Variants in CPM observed in about 807,000 individuals in gnomAD.
CPM encodes carboxypeptidase M.
In CPM, 35 loss-of-function variants were observed where a neutral mutation model predicts 46.4. That is an observed-to-expected ratio of 0.75 (90% CI 0.58 to 1.00). The LOEUF is 1.00. Ranked by LOEUF, CPM falls within the 50% of genes least tolerant of loss-of-function variation. The pLI is 0.00. For missense variants in CPM, 422 were observed against 530.4 expected, an observed-to-expected ratio of 0.80 and a Z score of 2.01; for synonymous variants, 195 against 195.3, an observed-to-expected ratio of 1.00 and a Z score of 0.01.
At chr12:68,933,625 C>T (rs1476544324), upstream of CPM, among the ~76,000 whole-genome samples, 1 of 152,070 alleles carries the variant, frequency 6.6e-6, no homozygotes, top group Non-Finnish European at 1.5e-5. Flanking sequence ...TCCTGAGTGC[C>T]CTGAGCCCCG....
At chr12:68,848,078 A>G (rs1450352669), downstream of CPM, 1 of 152,234 alleles carries the variant, frequency 6.6e-6, no homozygotes, top group African/African-American at 2.4e-5. Flanking sequence ...ACAATGAGCT[A>G]TGATTGCGCC....
chr12:68,856,737 A>C, intron 8 of CPM, 58 bp from the exon 9 acceptor site: 1 of 1,572,762 alleles, frequency 6.4e-7, no homozygotes, highest in East Asian at 2.2e-5. Context: ...TGGTGCCCAC[A>C]CTGAAAACAC....
intron 7 of CPM, among the ~76,000 whole-genome samples, chr12:68,865,878 G>C (rs945430410): frequency 6.6e-6 from 1 of 152,178 alleles, no homozygotes; most frequent in Non-Finnish European, 1.5e-5. Context: ...ATAGCCGCTG[G>C]ACCAGCAGCA....
chr12:68,954,416 A>C (rs943937539), intron 1 of CPM, among the ~76,000 whole-genome samples: 1 of 151,836 alleles, frequency 6.6e-6, no homozygotes, highest in African/African-American at 2.4e-5. Flanking sequence ...CATAGTTTAC[A>C]CTCCCTCTCC....
At chr12:68,934,189 G>A (rs1592709957), upstream of CPM, among the ~76,000 whole-genome samples, 2 of 151,768 alleles carry the variant, frequency 1.3e-5, no homozygotes, top group African/African-American at 2.4e-5. Context: ...TTGGGGGCCC[G>A]TGTCAAGGTC....
rs570138836 is a variant in CPM, at chr12:68,883,579, G to A, written c.258+2213C>T. Among the ~76,000 whole-genome samples, 6 of 152,168 alleles carry A rather than the reference G, an allele frequency of 3.9e-5. No individual in the cohort carries two copies. In the East Asian group the frequency reaches 5.8e-4, roughly 15 times the overall value. ...TCTCAAAGAATCAGAGCGCACTAGC[G>A]AGCCCTGATTTGAACGATACACCAG... is the stretch of plus-strand genomic sequence containing the variant. On this transcript the variant is annotated intron_variant, in intron 3 of 8. Transcript: ENST00000551568.
At chr12:68,864,875 A>C (rs942408705) in intron 7 of CPM, among the ~76,000 whole-genome samples, 1 of 152,004 alleles carries the variant, frequency 6.6e-6, no homozygotes, top group Non-Finnish European at 1.5e-5. Context: ...AATTAGCTGG[A>C]TGTGGTGCTG....
chr12:68,934,563 A>G (rs1335576325), upstream of CPM, among the ~76,000 whole-genome samples: 1 of 152,164 alleles, frequency 6.6e-6, no homozygotes, highest in Non-Finnish European at 1.5e-5. Context: ...ATGTCCGTAC[A>G]AAGGACATGA....
intron 2 of CPM, among the ~76,000 whole-genome samples, chr12:68,926,076 G>A (rs1033495253): frequency 4.0e-5 from 6 of 151,734 alleles, no homozygotes; most frequent in Admixed American, 6.6e-5. Context: ...GCCACCATGC[G>A]CAGCTAATTT....
intron 4 of CPM, 68 bp downstream of exon 4, chr12:68,871,716 A>T: frequency 6.5e-7 from 1 of 1,549,674 alleles, no homozygotes; most frequent in South Asian, 1.2e-5. Flanking sequence ...TGCCAAGGCC[A>T]ACAGGTGCCT....
At position 68,871,669 on chromosome 12, in the gene CPM, C is replaced by T. The variant is rs1885700827; in HGVS notation, c.431+115G>A. The T allele has an allele frequency of 2.7e-6, 3 of 1,118,978 alleles. No individual in the cohort carries two copies. In the African/African-American group the frequency reaches 4.7e-5, roughly 17 times the overall value. The allele number at this position is 1,118,978 out of a possible 1,614,324, so 69.3% of individuals were successfully genotyped here. On this transcript the variant is annotated intron_variant, in intron 4 of 8. Transcript: ENST00000551568. ...GCTTTGGCACATCAGCGACATGACA[C>T]CGGCTCTGAGGGCTCTCACCATGAC...
intron 2 of CPM, among the ~76,000 whole-genome samples, chr12:68,926,036 C>A (rs1307981235): frequency 6.6e-6 from 1 of 152,152 alleles, no homozygotes; most frequent in Non-Finnish European, 1.5e-5. Flanking sequence ...CCCACCTCAG[C>A]CTCCCAAGTA....
intron 1 of CPM, among the ~76,000 whole-genome samples, chr12:68,947,134 C>A (rs1003929836): frequency 1.3e-5 from 2 of 152,156 alleles, no homozygotes; most frequent in Non-Finnish European, 2.9e-5. Context: ...ACAGAAGGTG[C>A]TCATTGAGTT....
At position 68,859,117 on chromosome 12, in the gene CPM, C is replaced by A. The variant is rs1885102097; in HGVS notation, c.941-46G>T. 5 of 1,081,038 alleles carry A rather than the reference C, an allele frequency of 4.6e-6. No homozygotes were observed. The Admixed American group carries it at 1.3e-4, about 27-fold the overall frequency. 67.0% of individuals were successfully genotyped at this position (1,081,038 alleles called of 1,614,324 possible). On this transcript the variant is annotated intron_variant, in intron 7 of 8. Transcript: ENST00000551568. ...TAAATATTAATACCATATTTTATGG[C>A]ATATAAAAATTATTATAAATATTTA... is the stretch of plus-strand genomic sequence containing the variant.
At chr12:68,892,221 A>G (rs1886684710) in intron 2 of CPM, among the ~76,000 whole-genome samples, 1 of 152,184 alleles carries the variant, frequency 6.6e-6, no homozygotes, top group Non-Finnish European at 1.5e-5. Context: ...AAAAACATCA[A>G]AGAAAAACAA....
intron 2 of CPM, among the ~76,000 whole-genome samples, chr12:68,915,317 G>A (rs567649795): frequency 4.6e-5 from 7 of 152,214 alleles, no homozygotes; most frequent in Admixed American, 1.3e-4. Context: ...ATTAGAAATC[G>A]TCATCAAATT....
intron 2 of CPM, among the ~76,000 whole-genome samples, chr12:68,893,821 T>C (rs1246210804): frequency 6.6e-6 from 1 of 152,186 alleles, no homozygotes; most frequent in African/African-American, 2.4e-5. Flanking sequence ...ACCCTGGGCC[T>C]TGTTGAGGTT....
chr12:68,850,285 CAA>C (rs34162773), downstream of CPM: 27 of 105,078 alleles, frequency 2.6e-4, no homozygotes, highest in East Asian at 5.6e-4. Context: ...GACTTCGTCC[CAA>C]AAAAAAAAAA....
chr12:68,877,865 T>C (rs1886026959), intron 3 of CPM, among the ~76,000 whole-genome samples: 1 of 152,236 alleles, frequency 6.6e-6, no homozygotes, highest in Admixed American at 6.5e-5. Flanking sequence ...TGTGTCCCAC[T>C]GTCTGCGTAA....
Sources: gnomAD v4.1 joint callset for allele counts (sites outside exome capture counted in the v4.1 genomes callset) on GRCh38, gnomAD v4.1.1 for gene constraint, MANE v1.5 for transcripts, NCBI Gene and HGNC (gene_info 2026-07-23, HGNC 2026-07-21) for gene names.